PTPRD: variants seen among roughly 807,000 people sequenced by gnomAD.
PTPRD encodes the protein receptor-type tyrosine-protein phosphatase delta.
Under a neutral mutation model 214.5 loss-of-function variants are expected in PTPRD, and 34 were observed. The observed-to-expected ratio is 0.16, with a 90% confidence interval of 0.12 to 0.21. The LOEUF (loss-of-function observed/expected upper bound fraction) is 0.21, where lower values mean the gene tolerates loss of function less well. PTPRD is among the 10% of genes least tolerant of loss of function. PTPRD has a pLI of 1.00. For missense variants in PTPRD, 2,545 were observed against 2,398.7 expected, an observed-to-expected ratio of 1.06 and a Z score of -1.27; for synonymous variants, 1,128 against 845.7, an observed-to-expected ratio of 1.33 and a Z score of -5.79.
At chr9:9,683,539 G>A (rs1386306773) in intron 7 of PTPRD, among the ~76,000 whole-genome samples, 1 of 151,630 alleles carries the variant, frequency 6.6e-6, no homozygotes, top group Non-Finnish European at 1.5e-5. Context: ...AAGCGACAAT[G>A]CATATAAAGC....
intron 9 of PTPRD, among the ~76,000 whole-genome samples, chr9:9,203,796 A>G (rs1362098166): frequency 6.6e-6 from 1 of 152,200 alleles, no homozygotes; most frequent in African/African-American, 2.4e-5. Context: ...CTTTATAGCA[A>G]AGAAAAAGGT....
At chr9:9,764,473 A>G (rs1412448523) in intron 6 of PTPRD, among the ~76,000 whole-genome samples, 4 of 152,198 alleles carry the variant, frequency 2.6e-5, no homozygotes, top group Non-Finnish European at 5.9e-5. Flanking sequence ...AAAGACAAAT[A>G]TTATCACATG....
intron 7 of PTPRD, among the ~76,000 whole-genome samples, chr9:9,579,799 C>A (rs980859263): frequency 6.6e-6 from 1 of 152,090 alleles, no homozygotes; most frequent in African/African-American, 2.4e-5. Context: ...ATGTCCTTTA[C>A]CAGAATAATA....
In PTPRD at chr9:9,360,636, A is replaced by C. The variant is rs186464450; in HGVS notation, c.-203+36813T>G. Among the ~76,000 whole-genome samples, 5 of 151,284 alleles carry C rather than the reference A, an allele frequency of 3.3e-5. No individual in the cohort carries two copies. In the East Asian group the frequency reaches 9.7e-4, roughly 29 times the overall value. ...GAAATAAAGTTATTTAGTAGCAAAA[A>C]TAACAATCTAGTCATGGTATCAAAA... On this transcript the variant is annotated intron_variant, in intron 9 of 45. Transcript: ENST00000381196.
chr9:10,556,077 T>G (rs1206223379), intron 2 of PTPRD, among the ~76,000 whole-genome samples: 1 of 152,164 alleles, frequency 6.6e-6, no homozygotes, highest in East Asian at 1.9e-4. Context: ...GCAACTGTTT[T>G]TTATACTTCT....
intron 12 of PTPRD, among the ~76,000 whole-genome samples, chr9:8,685,752 A>T (rs1565269548): frequency 6.6e-6 from 1 of 152,262 alleles, no homozygotes; most frequent in South Asian, 2.1e-4. Flanking sequence ...GCCGATATTA[A>T]TAAACCAAAT....
intron 9 of PTPRD, among the ~76,000 whole-genome samples, chr9:9,328,480 T>C (rs1441618833): frequency 6.6e-6 from 1 of 152,054 alleles, no homozygotes; most frequent in African/African-American, 2.4e-5. Context: ...CTGCTTTATG[T>C]TCAGATGCTT....
At chr9:9,905,897 G>T (rs987049106) in intron 5 of PTPRD, among the ~76,000 whole-genome samples, 23 of 151,986 alleles carry the variant, frequency 1.5e-4, no homozygotes, top group African/African-American at 5.6e-4. Flanking sequence ...GACTGGAGAA[G>T]CATGTGTGTG....
intron 14 of PTPRD, among the ~76,000 whole-genome samples, chr9:8,599,356 T>C (rs4742525): frequency 0.014 from 2,096 of 152,180 alleles, 92 homozygotes; most frequent in East Asian, 0.081. Context: ...TATCTGTCTA[T>C]ATCACCCTGA....
At chr9:9,895,855 A>G (rs2074816410) in intron 5 of PTPRD, among the ~76,000 whole-genome samples, 2 of 152,066 alleles carry the variant, frequency 1.3e-5, no homozygotes, top group African/African-American at 4.8e-5. Context: ...GTTATGATAA[A>G]TAACTTAAAA....
At chr9:9,779,180 C>A (rs1597558230) in intron 5 of PTPRD, among the ~76,000 whole-genome samples, 1 of 148,830 alleles carries the variant, frequency 6.7e-6, no homozygotes, top group South Asian at 2.2e-4. Flanking sequence ...AGGGTCTCAC[C>A]TTTCACCATA....
At chr9:9,044,856 G>A (rs912733226) in intron 10 of PTPRD, among the ~76,000 whole-genome samples, 2 of 152,106 alleles carry the variant, frequency 1.3e-5, no homozygotes, top group East Asian at 1.9e-4. Context: ...CAATGAAATA[G>A]TTACCTTGAA....
chr9:9,430,539 T>A (rs1021130352), intron 8 of PTPRD, among the ~76,000 whole-genome samples: 4 of 152,086 alleles, frequency 2.6e-5, no homozygotes, highest in Non-Finnish European at 4.4e-5. Context: ...CTTCACAGAA[T>A]TGGAAAAAAA....
At chr9:9,257,904 A>G (rs377292335) in intron 9 of PTPRD, among the ~76,000 whole-genome samples, 47 of 151,904 alleles carry the variant, frequency 3.1e-4, no homozygotes, top group African/African-American at 1.1e-3. Flanking sequence ...AAATATAGTG[A>G]CTCCTGTATT....
chr9:9,856,698 C>T (rs2061619668), intron 5 of PTPRD, among the ~76,000 whole-genome samples: 1 of 151,996 alleles, frequency 6.6e-6, no homozygotes, highest in Admixed American at 6.5e-5. Context: ...TCTGTTAAAG[C>T]TGTCCCAATT....
At chr9:8,728,711 G>A (rs547180797) in intron 12 of PTPRD, among the ~76,000 whole-genome samples, 42 of 152,226 alleles carry the variant, frequency 2.8e-4, no homozygotes, top group Middle Eastern at 6.8e-3. Flanking sequence ...CTGGCACGGC[G>A]GCTCACACCT....
intron 3 of PTPRD, among the ~76,000 whole-genome samples, chr9:10,092,408 C>G (rs2098441098): frequency 6.6e-6 from 1 of 151,366 alleles, no homozygotes; most frequent in South Asian, 2.1e-4. Flanking sequence ...AAACACTCCT[C>G]TAAAAGCATC....
intron 7 of PTPRD, among the ~76,000 whole-genome samples, chr9:9,611,724 T>A (rs2094525459): frequency 6.6e-6 from 1 of 152,146 alleles, no homozygotes; most frequent in African/African-American, 2.4e-5. Context: ...TGATGACACA[T>A]GTATATTTAT....
At chr9:8,488,538 T>C (rs1024299037) in intron 27 of PTPRD, among the ~76,000 whole-genome samples, 10 of 152,206 alleles carry the variant, frequency 6.6e-5, no homozygotes, top group Non-Finnish European at 1.3e-4. Context: ...TGTGTACTCA[T>C]TGTGTTCCTC....
Sources: gnomAD v4.1 joint callset for allele counts (sites outside exome capture counted in the v4.1 genomes callset) on GRCh38, gnomAD v4.1.1 for gene constraint, MANE v1.5 for transcripts, NCBI Gene and HGNC (gene_info 2026-07-23, HGNC 2026-07-21) for gene names.